Variants in KCNH1 observed in about 807,000 individuals in gnomAD.
KCNH1 encodes the protein voltage-gated delayed rectifier potassium channel KCNH1.
KCNH1 carries 27 observed loss-of-function variants against 69.2 expected under a neutral mutation model. The ratio of observed to expected loss-of-function variants is 0.39; its 90% CI spans 0.29 to 0.54. The LOEUF is 0.54. Ranked by LOEUF, KCNH1 falls within the 20% of genes least tolerant of loss-of-function variation. The pLI is 0.68. For missense variants in KCNH1, 798 were observed against 1,261.6 expected, an observed-to-expected ratio of 0.63 and a Z score of 5.57; for synonymous variants, 456 against 487.7, an observed-to-expected ratio of 0.93 and a Z score of 0.86.
chr1:210,920,697 T>C (rs1687440686), intron 6 of KCNH1, among the ~76,000 whole-genome samples: 1 of 152,084 alleles, frequency 6.6e-6, no homozygotes, highest in South Asian at 2.1e-4. Context: ...CAAATACAGT[T>C]TTTAAAAAGC....
intron 6 of KCNH1, among the ~76,000 whole-genome samples, chr1:210,953,210 A>G (rs947535046): frequency 6.6e-6 from 1 of 152,052 alleles, no homozygotes; most frequent in African/African-American, 2.4e-5. Flanking sequence ...TGGATTCCCT[A>G]TCTTAAGGAA....
intron 10 of KCNH1, among the ~76,000 whole-genome samples, chr1:210,734,296 C>T (rs899424150): frequency 6.6e-6 from 1 of 152,108 alleles, no homozygotes; most frequent in African/African-American, 2.4e-5. Context: ...CCACCTATTC[C>T]CATCCAGCCC....
Position 210,678,520 on chromosome 1 carries a change from C to G in KCNH1, c.*4761G>C, listed in dbSNP as rs1055082262. On this transcript the variant is annotated 3_prime_UTR_variant, in exon 11 of 11. Coordinates refer to ENST00000271751, the MANE Select transcript of KCNH1 (RefSeq NM_172362.3). The stretch of plus-strand genomic sequence containing the variant: ...CAAAAATAGTATCAGCTCATTTACA[C>G]TTTTGTTTATTCATGCTCATTTGGA... The G allele has an allele frequency of 1.3e-5, 2 of 152,120 alleles. No homozygotes were observed. The highest frequency in any genetic ancestry group is 2.4e-5 in the African/African-American group (1 of 41,422). The allele number at this position is 152,120 out of a possible 1,614,324, so 9.4% of individuals were successfully genotyped here.
At chr1:210,976,732 A>C (rs1354429552) in intron 6 of KCNH1, among the ~76,000 whole-genome samples, 1 of 150,568 alleles carries the variant, frequency 6.6e-6, no homozygotes, top group Non-Finnish European at 1.5e-5. Context: ...GACTGGATTA[A>C]GAATACGTGG....
intron 7 of KCNH1, among the ~76,000 whole-genome samples, chr1:210,905,857 G>T (rs1687091686): frequency 6.6e-6 from 1 of 152,190 alleles, no homozygotes; most frequent in African/African-American, 2.4e-5. Flanking sequence ...TGATGATGAA[G>T]TGGCATAATG....
rs982412937 is a variant in KCNH1 at position 210,862,194 on chromosome 1, G to A, written c.1462+57446C>T. The A allele has an allele frequency of 1.1e-5, 14 of 1,277,428 alleles. No individual in the cohort carries two copies. The East Asian group carries it at 3.3e-4, about 30-fold the overall frequency. The allele number at this position is 1,277,428 out of a possible 1,614,324, so 79.1% of individuals were successfully genotyped here. ...GCGTTGAGACAAAATTCAGAGATTT[G>A]TGTGCTTCATTGAGCTGGCGCTCCA... On this transcript the variant is annotated intron_variant, in intron 7 of 10. Transcript: ENST00000271751.
At chr1:211,002,338 G>GTGTA in intron 6 of KCNH1, among the ~76,000 whole-genome samples, 2 of 87,836 alleles carry the variant, frequency 2.3e-5, no homozygotes, top group Admixed American at 2.0e-4. Context: ...GTGTGTGTGT[G>GTGTA]TATATATATA....
chr1:210,845,952 C>T (rs543307127), intron 7 of KCNH1, among the ~76,000 whole-genome samples: 3,817 of 152,136 alleles, frequency 0.025, 129 homozygotes, highest in African/African-American at 0.086. Flanking sequence ...AACAGAGAGC[C>T]AAATCATGAG....
intron 5 of KCNH1, 57 bp downstream of exon 5, chr1:211,082,723 T>C (rs1440298692): frequency 7.3e-7 from 1 of 1,372,808 alleles, no homozygotes; most frequent in Non-Finnish European, 1.0e-6. Flanking sequence ...TGCCATTGCC[T>C]CAGCCCATGC....
At chr1:210,884,299 A>T (rs887841432) in intron 7 of KCNH1, among the ~76,000 whole-genome samples, 2 of 152,176 alleles carry the variant, frequency 1.3e-5, no homozygotes, top group Non-Finnish European at 2.9e-5. Context: ...CCTTCTCAAA[A>T]GAGCTTTGTT....
intron 6 of KCNH1, among the ~76,000 whole-genome samples, chr1:210,963,083 T>C (rs1408061835): frequency 6.6e-6 from 1 of 151,994 alleles, no homozygotes; most frequent in Non-Finnish European, 1.5e-5. Flanking sequence ...CTTTTCATTT[T>C]CTTCATGCTG....
At chr1:211,004,729 T>C (rs1479231730) in intron 6 of KCNH1, among the ~76,000 whole-genome samples, 2 of 152,124 alleles carry the variant, frequency 1.3e-5, no homozygotes, top group African/African-American at 2.4e-5. Flanking sequence ...ATTTAAAAAA[T>C]AGGCTTCTTA....
At chr1:210,957,399 G>C (rs1206564221) in intron 6 of KCNH1, among the ~76,000 whole-genome samples, 1 of 152,124 alleles carries the variant, frequency 6.6e-6, no homozygotes, top group Non-Finnish European at 1.5e-5. Flanking sequence ...TGTTGATTTG[G>C]GGTGGAGAGT....
intron 6 of KCNH1, among the ~76,000 whole-genome samples, chr1:210,958,000 T>A (rs1413077994): frequency 2.0e-5 from 3 of 152,220 alleles, no homozygotes; most frequent in Non-Finnish European, 4.4e-5. Flanking sequence ...TGCAGTTTCT[T>A]CATAGCATCA....
intron 7 of KCNH1, among the ~76,000 whole-genome samples, chr1:210,863,974 CCTG>C (rs57494742): frequency 0.66 from 100,614 of 151,878 alleles, 34,295 homozygotes; most frequent in African/African-American, 0.82. Flanking sequence ...AATTAGGAAA[CCTG>C]CTGCTAACTA....
intron 5 of KCNH1, among the ~76,000 whole-genome samples, chr1:211,036,940 A>G (rs1045636471): frequency 2.0e-5 from 3 of 152,086 alleles, no homozygotes; most frequent in African/African-American, 7.2e-5. Context: ...ACAACATCCA[A>G]TGCCAGGCTT....
At chr1:210,940,069 T>C (rs564780768) in intron 6 of KCNH1, among the ~76,000 whole-genome samples, 1 of 152,350 alleles carries the variant, frequency 6.6e-6, no homozygotes, top group Middle Eastern at 3.4e-3. Context: ...TACAGAGCCA[T>C]TGCAACTGTA....
At chr1:210,709,116 T>G (rs1681989640) in intron 10 of KCNH1, among the ~76,000 whole-genome samples, 1 of 152,074 alleles carries the variant, frequency 6.6e-6, no homozygotes, top group African/African-American at 2.4e-5. Flanking sequence ...CCAGGCAAGG[T>G]GGCACGCCTG....
At chr1:210,807,700 T>C (rs1195455302) in intron 7 of KCNH1, among the ~76,000 whole-genome samples, 1 of 152,170 alleles carries the variant, frequency 6.6e-6, no homozygotes, top group African/African-American at 2.4e-5. Context: ...TGAGATTGTC[T>C]TTTTTAACTC....
Sources: allele counts gnomAD v4.1 joint callset (sites outside exome capture counted in the v4.1 genomes callset), GRCh38; gene constraint gnomAD v4.1.1; transcripts MANE v1.5; gene names NCBI Gene and HGNC (gene_info 2026-07-23, HGNC 2026-07-21).